Variants in MAP2K5 observed in about 807,000 individuals in gnomAD.
The protein encoded by MAP2K5 is dual specificity mitogen-activated protein kinase kinase 5.
In MAP2K5, 49 loss-of-function variants were observed where a neutral mutation model predicts 83.1. The observed-to-expected ratio is 0.59, with a 90% confidence interval of 0.47 to 0.75. MAP2K5 has a LOEUF of 0.75. Among genes scored for constraint, MAP2K5 ranks in the 30% least tolerant of loss-of-function variants. The pLI is 0.00. For synonymous variants in MAP2K5, 202 were observed against 191.8 expected, an observed-to-expected ratio of 1.05 and a Z score of -0.44; for missense variants, 457 against 557.5, an observed-to-expected ratio of 0.82 and a Z score of 1.82.
In MAP2K5 at chr15:67,749,991, C is replaced by G. The variant is rs2089684437; in HGVS notation, c.1134+1390C>G. Among the ~76,000 whole-genome samples the G allele has an allele frequency of 6.6e-6, 1 of 152,230 alleles. No individual in the cohort carries two copies. Among genetic ancestry groups the G allele is most frequent in the African/African-American group, 2.4e-5 (1 of 41,452 alleles). ...TCAGAACATCCAGGTAAAGGCATTC[C>G]TCACCAATACTATGTGTGTTTCTCA... On this transcript the variant is annotated intron_variant, in intron 19 of 21. Transcript: ENST00000178640. This position sits in a 1 kb window ranked among gnomAD's most constrained non-coding sequence, Gnocchi z 4.6.
Position 67,652,430 on chromosome 15 carries a change from C to T in MAP2K5, c.736+5961C>T, listed in dbSNP as rs1182949183. Among the ~76,000 whole-genome samples the T allele has an allele frequency of 6.6e-6, 1 of 152,154 alleles. No homozygotes were observed. The highest frequency in any genetic ancestry group is 2.4e-5 in the African/African-American group (1 of 41,436). ...TGTTTCTGGTCTGGGTCTCAGGAAG[C>T]TTCCATTCGTGGAGCAAGAGAGAGA... On this transcript the variant is annotated intron_variant, in intron 11 of 21. Transcript: ENST00000178640. This position sits in a 1 kb window ranked among gnomAD's most constrained non-coding sequence, Gnocchi z 4.2.
intron 3 of MAP2K5, among the ~76,000 whole-genome samples, chr15:67,575,302 G>C (rs997712084): frequency 3.3e-5 from 5 of 151,954 alleles, no homozygotes; most frequent in African/African-American, 1.2e-4. Flanking sequence ...GGAGAGATGG[G>C]GTAATAACCA....
chr15:67,547,716 C>T (rs531031645), intron 1 of MAP2K5, among the ~76,000 whole-genome samples: 1 of 152,206 alleles, frequency 6.6e-6, no homozygotes, highest in South Asian at 2.1e-4. Flanking sequence ...TTCGGCCCCC[C>T]AAAGTGCTGG....
At chr15:67,752,372 T>C (rs531892837) in intron 19 of MAP2K5, among the ~76,000 whole-genome samples, 36 of 151,962 alleles carry the variant, frequency 2.4e-4, no homozygotes, top group Admixed American at 8.5e-4. Context: ...CTAAGGTCAC[T>C]ATCAGGAGTA....
chr15:67,796,598 A>G (rs1274539328), intron 21 of MAP2K5, among the ~76,000 whole-genome samples: 3 of 152,162 alleles, frequency 2.0e-5, no homozygotes, highest in Admixed American at 2.0e-4. Flanking sequence ...CATCCCCAAC[A>G]TTGGTGATTA....
chr15:67,771,831 T>C (rs1049969692), intron 20 of MAP2K5, among the ~76,000 whole-genome samples: 1 of 152,150 alleles, frequency 6.6e-6, no homozygotes, highest in African/African-American at 2.4e-5. Flanking sequence ...AAGAGTGCCT[T>C]ATAAAGAAAA....
chr15:67,634,393 A>AAAAAAAAAAAAAAAAAAAAAAAAAT (rs2086550661), intron 9 of MAP2K5, among the ~76,000 whole-genome samples: 1 of 105,214 alleles, frequency 9.5e-6, no homozygotes, highest in Non-Finnish European at 2.1e-5. Context: ...AAAAAAAAAA[A>AAAAAAAAAAAAAAAAAAAAAAAAAT]AAAAAAAAAA....
At chr15:67,695,893 C>T (rs1188135501) in intron 15 of MAP2K5, among the ~76,000 whole-genome samples, 11 of 152,026 alleles carry the variant, frequency 7.2e-5, no homozygotes, top group Non-Finnish European at 7.4e-5. Flanking sequence ...GAATTCTAGT[C>T]GTCAGCTTTG....
chr15:67,687,695 G>A (rs572226464), intron 13 of MAP2K5, among the ~76,000 whole-genome samples: 3 of 152,238 alleles, frequency 2.0e-5, no homozygotes, highest in African/African-American at 7.2e-5. Context: ...GGAAAAGATG[G>A]AGCTCCTTCT....
chr15:67,751,422 A>T (rs1353678170), intron 19 of MAP2K5, among the ~76,000 whole-genome samples: 1 of 152,190 alleles, frequency 6.6e-6, no homozygotes, highest in East Asian at 1.9e-4. Context: ...AGAACTTCTT[A>T]CCTTAAGGTC....
chr15:67,681,125 T>C (rs1437131668), intron 13 of MAP2K5, among the ~76,000 whole-genome samples: 1 of 152,220 alleles, frequency 6.6e-6, no homozygotes, highest in South Asian at 2.1e-4. Context: ...GTGCCAGCAG[T>C]GCTAAGCACA....
intron 13 of MAP2K5, among the ~76,000 whole-genome samples, chr15:67,689,898 G>T (rs746642190): frequency 2.0e-5 from 3 of 152,160 alleles, no homozygotes; most frequent in Non-Finnish European, 2.9e-5. Context: ...GCTTAAGAAT[G>T]GTTTAGGGCA....
chr15:67,663,008 C>T (rs1033003863), intron 12 of MAP2K5, among the ~76,000 whole-genome samples: 1 of 152,036 alleles, frequency 6.6e-6, no homozygotes, highest in African/African-American at 2.4e-5. Flanking sequence ...CAAAAAATTC[C>T]CACAGATGCT....
At chr15:67,654,236 T>C (rs2087016843) in intron 11 of MAP2K5, among the ~76,000 whole-genome samples, 1 of 152,176 alleles carries the variant, frequency 6.6e-6, no homozygotes, top group Non-Finnish European at 1.5e-5. Flanking sequence ...TGTTTATAAT[T>C]GTTATATCTT....
intron 7 of MAP2K5, among the ~76,000 whole-genome samples, chr15:67,598,997 C>G (rs530960645): frequency 2.0e-5 from 3 of 152,156 alleles, no homozygotes; most frequent in African/African-American, 7.2e-5. Context: ...CCTATTTGTG[C>G]CCACCAATGG....
intron 3 of MAP2K5, among the ~76,000 whole-genome samples, chr15:67,569,928 C>T (rs934311992): frequency 3.3e-5 from 5 of 152,178 alleles, no homozygotes; most frequent in African/African-American, 7.2e-5. Context: ...ATTTAAGTGG[C>T]AGGTTCCCTG....
intron 21 of MAP2K5, among the ~76,000 whole-genome samples, chr15:67,803,141 GC>G (rs1320931174): frequency 2.6e-5 from 4 of 152,352 alleles, no homozygotes; most frequent in East Asian, 1.9e-4. Flanking sequence ...TTTGGCAAAT[GC>G]CTAGCACACA....
intron 17 of MAP2K5, among the ~76,000 whole-genome samples, chr15:67,734,169 A>G (rs1448785754): frequency 6.6e-6 from 1 of 152,184 alleles, no homozygotes; most frequent in African/African-American, 2.4e-5. Flanking sequence ...GCTGCATCTG[A>G]AAGTTTGCTA....
At chr15:67,581,102 T>G (rs1401307901) in intron 4 of MAP2K5, among the ~76,000 whole-genome samples, 1 of 152,218 alleles carries the variant, frequency 6.6e-6, no homozygotes, top group Admixed American at 6.5e-5. Context: ...TCCACATGGT[T>G]TCTAAAGCAA....
Sources: allele counts gnomAD v4.1 joint callset (sites outside exome capture counted in the v4.1 genomes callset), GRCh38; gene constraint gnomAD v4.1.1; non-coding constraint Gnocchi (gnomAD v3.1); transcripts MANE v1.5; gene names NCBI Gene and HGNC (gene_info 2026-07-23, HGNC 2026-07-21).